The following SEC22B variants were observed in gnomAD, a reference collection of about 807,000 sequenced individuals.
The protein encoded by SEC22B is vesicle-trafficking protein SEC22b.
A neutral mutation model predicts 31.4 loss-of-function variants in SEC22B; 10 were observed. The observed-to-expected ratio is 0.32, with a 90% CI of 0.20 to 0.54. The LOEUF (loss-of-function observed/expected upper bound fraction) is 0.54, where lower values mean the gene tolerates loss of function less well. Among genes scored for constraint, SEC22B ranks in the 20% least tolerant of loss-of-function variants. The pLI is 0.94. For missense variants in SEC22B, 130 were observed against 263.4 expected (o/e 0.49, Z 3.50); for synonymous variants, 60 against 95.9 (o/e 0.63, Z 2.19).
In SEC22B at chr1:120,157,380, G is replaced by A. The variant is rs2101126441; in HGVS notation, c.494-188C>T. ...GATCAGATGATGTCTGAATTTTTGAGGCTATATAGTAAGGTGGTTAGAAGT... is the reference window on the plus strand; with the variant it reads ...GATCAGATGATGTCTGAATTTTTGAAGCTATATAGTAAGGTGGTTAGAAGT... On this transcript the variant is annotated intron_variant, in intron 4 of 4. Transcript: ENST00000578049. 2.2e-5 allele frequency: 9 copies of A among 404,154 alleles called. No individual in the cohort carries two copies. In the East Asian group the frequency reaches 3.4e-4, roughly 15 times the overall value. The allele number at this position is 404,154 out of a possible 1,614,324, so 25.0% of individuals were successfully genotyped here. A position where few individuals can be genotyped will look rare whatever the true frequency, so the allele number is the denominator to read the frequency against.
intron 1 of SEC22B, among the ~76,000 whole-genome samples, chr1:120,175,713 G>A (rs1364629749): frequency 2.0e-5 from 3 of 152,142 alleles, no homozygotes; most frequent in African/African-American, 4.8e-5. Context: ...TGCCCGCTAG[G>A]AAACTCAAGT....
At chr1:120,169,403 C>G (rs1657861154) in intron 1 of SEC22B, among the ~76,000 whole-genome samples, 1 of 152,128 alleles carries the variant, frequency 6.6e-6, no homozygotes, top group East Asian at 1.9e-4. Context: ...TTAAACAAAA[C>G]TAAATGTGTG....
Position 120,153,895 on chromosome 1 carries a change from T to C in SEC22B, c.*3143A>G, listed in dbSNP as rs1294615886. 1.3e-4 allele frequency: 20 copies of C among 151,048 alleles called. No homozygotes were observed. The highest frequency in any genetic ancestry group is 4.9e-4 in the African/African-American group (20 of 40,750). 9.4% of individuals were successfully genotyped at this position (151,048 alleles called of 1,614,324 possible). A position where few individuals can be genotyped will look rare whatever the true frequency, so the allele number is the denominator to read the frequency against. On this transcript the variant is annotated 3_prime_UTR_variant, in exon 5 of 5. Coordinates refer to ENST00000578049, the MANE Select transcript of SEC22B (RefSeq NM_004892.6). ...AATGGCACATACCTTTCATCAGATT[T>C]TCAAAGGTTTCTCAAAATGCTCAAG...
intron 1 of SEC22B, among the ~76,000 whole-genome samples, chr1:120,173,191 G>A (rs1182590911): frequency 1.4e-5 from 1 of 71,542 alleles, no homozygotes; most frequent in Non-Finnish European, 2.5e-5. Flanking sequence ...TGTATAACAT[G>A]TTATCTATCT....
chr1:120,159,398 C>G (rs1442883805), intron 4 of SEC22B: 3 of 151,764 alleles, frequency 2.0e-5, no homozygotes, highest in African/African-American at 7.3e-5. Context: ...CCATTGCACT[C>G]CAGCCTGGGC....
chr1:120,162,808 C>T (rs2101128558), intron 3 of SEC22B, among the ~76,000 whole-genome samples: 1 of 152,018 alleles, frequency 6.6e-6, no homozygotes, highest in East Asian at 1.9e-4. Context: ...ATCATTCTTT[C>T]TGATTTCCCA....
At chr1:120,157,982 C>A (rs1657656450) in intron 4 of SEC22B, 1 of 135,892 alleles carries the variant, frequency 7.4e-6, no homozygotes. Context: ...TAACAGTTAA[C>A]TAAACACTTA....
At chr1:120,165,594 C>A (rs1262372125) in intron 2 of SEC22B, among the ~76,000 whole-genome samples, 2 of 151,894 alleles carry the variant, frequency 1.3e-5, no homozygotes, top group African/African-American at 2.4e-5. Context: ...ATCAGAGGTT[C>A]TTTAGTTTAA....
At position 120,157,228 on chromosome 1, in the gene SEC22B, C is replaced by T; in HGVS notation, c.494-36G>A. On this transcript the variant is annotated intron_variant, in intron 4 of 4. Coordinates refer to ENST00000578049, the MANE Select transcript of SEC22B (RefSeq NM_004892.6). ...GGAAAAAAGGAAAACATTAATTAGT[C>T]CCTGGAAGTATTTTACCGAAAGTAT... 3.9e-6 allele frequency: 5 copies of T among 1,297,378 alleles called. No homozygotes were observed. The Admixed American group carries it at 1.1e-4, about 27-fold the overall frequency. 80.4% of individuals were successfully genotyped at this position (1,297,378 alleles called of 1,614,324 possible). A position where few individuals can be genotyped will look rare whatever the true frequency, so the allele number is the denominator to read the frequency against.
At chr1:120,170,942 T>TA (rs1299728404) in intron 1 of SEC22B, among the ~76,000 whole-genome samples, 1 of 127,702 alleles carries the variant, frequency 7.8e-6, no homozygotes, top group Non-Finnish European at 1.5e-5. Context: ...CAAATTTCTT[T>TA]AATTTAATAA....
Position 120,176,357 on chromosome 1 carries a change from G to A in SEC22B, c.25C>T (p.Arg9Ter). 3.7e-6 allele frequency: 6 copies of A among 1,613,608 alleles called. No individual in the cohort carries two copies. The highest frequency in any genetic ancestry group is 5.1e-6 in the Non-Finnish European group (6 of 1,179,852). The part of the protein sequence containing the change: MVLLTMIA[R>*]VADGLPLAAS... ...GCCAGCGGGAGCCCGTCCGCCACTC[G>A]GGCGATCATTGTTAGCAACACCATC... is the stretch of plus-strand genomic sequence containing the variant. The change falls in exon 1 of 5, where the codon CGA (arginine) becomes TGA (stop). Residue 9 changes from arginine (R) to a stop codon, truncating the protein, a stop_gained. Coordinates refer to ENST00000578049, the MANE Select transcript of SEC22B (RefSeq NM_004892.6). LOFTEE classifies it high-confidence loss of function.
chr1:120,151,516 A>T lies in SEC22B; in HGVS notation c.*5522T>A, dbSNP rs1657538449. On this transcript the variant is annotated 3_prime_UTR_variant, in exon 5 of 5. Transcript: ENST00000578049. ...CTCCATCTCTACTAAAAATACAAAAATTAGCCAGGAGCTGTGGCAGGTGCC... is the reference window on the plus strand; with the variant it reads ...CTCCATCTCTACTAAAAATACAAAATTTAGCCAGGAGCTGTGGCAGGTGCC... The T allele has an allele frequency of 6.6e-6, 1 of 152,096 alleles. No individual in the cohort carries two copies. The highest frequency in any genetic ancestry group is 6.6e-5 in the Admixed American group (1 of 15,256). 9.4% of individuals were successfully genotyped at this position (152,096 alleles called of 1,614,324 possible). A position where few individuals can be genotyped will look rare whatever the true frequency, so the allele number is the denominator to read the frequency against.
rs1200329264 is a variant in SEC22B, at chr1:120,151,766, G to T, written c.*5272C>A. On this transcript the variant is annotated 3_prime_UTR_variant, in exon 5 of 5. Transcript: ENST00000578049. ...TAAGGAGGGTACTCCAAGAATCCAT[G>T]TTAAAGTTAATGAGGGCTTGAACCC... 6.6e-6 allele frequency: 1 copy of T among 151,774 alleles called. No individual in the cohort carries two copies. Among genetic ancestry groups the T allele is most frequent in the African/African-American group, 2.4e-5 (1 of 41,404 alleles). The allele number at this position is 151,774 out of a possible 1,614,324, so 9.4% of individuals were successfully genotyped here.
In SEC22B at chr1:120,151,141, A is replaced by G. The variant is rs1227034803; in HGVS notation, c.*5897T>C. On this transcript the variant is annotated 3_prime_UTR_variant, in exon 5 of 5. Coordinates refer to ENST00000578049, the MANE Select transcript of SEC22B (RefSeq NM_004892.6). ...AAACCATAGCAGCAGGTTTAAAGGT[A>G]AAAGGATGGGAGAAAAGTACACAGA... 2 of 152,220 alleles carry G rather than the reference A, an allele frequency of 1.3e-5. No homozygotes were observed. The highest frequency in any genetic ancestry group is 2.9e-5 in the Non-Finnish European group (2 of 68,048). The allele number at this position is 152,220 out of a possible 1,614,324, so 9.4% of individuals were successfully genotyped here. A position where few individuals can be genotyped will look rare whatever the true frequency, so the allele number is the denominator to read the frequency against.
intron 4 of SEC22B, among the ~76,000 whole-genome samples, chr1:120,159,697 T>C (rs1345234711): frequency 2.6e-5 from 4 of 152,026 alleles, no homozygotes; most frequent in African/African-American, 9.7e-5. Flanking sequence ...ATACAGGCTA[T>C]AAGGATCAGA....
chr1:120,170,876 T>A (rs1393361469), intron 1 of SEC22B, among the ~76,000 whole-genome samples: 1 of 140,684 alleles, frequency 7.1e-6, no homozygotes, highest in Non-Finnish European at 1.5e-5. Flanking sequence ...AATCTTTTTG[T>A]TTCCCCAGTG....
At chr1:120,175,587 G>A (rs1403834689) in intron 1 of SEC22B, among the ~76,000 whole-genome samples, 1 of 152,262 alleles carries the variant, frequency 6.6e-6, no homozygotes, top group East Asian at 1.9e-4. Flanking sequence ...TTTCTTTTAA[G>A]ACATCTGGAG....
Position 120,176,261 on chromosome 1 carries a change from G to A in SEC22B, c.75+46C>T, listed in dbSNP as rs1457919671. The A allele has an allele frequency of 8.9e-6, 14 of 1,574,154 alleles. No individual in the cohort carries two copies. The South Asian group carries it at 1.0e-4, about 11-fold the overall frequency. On this transcript the variant is annotated intron_variant, in intron 1 of 4. Transcript: ENST00000578049. ...AGGAATCCGATGCTGAGGGCAAAGC[G>A]CGCTGACAGAGACTTGGGGTCGCGG... is the stretch of plus-strand genomic sequence containing the variant.
intron 2 of SEC22B, among the ~76,000 whole-genome samples, chr1:120,166,456 A>C (rs1233216009): frequency 2.0e-5 from 3 of 151,152 alleles, no homozygotes; most frequent in African/African-American, 7.4e-5. Flanking sequence ...AGCCATAAAA[A>C]AGAATGAATT....
Sources: gnomAD v4.1 joint callset for allele counts (sites outside exome capture counted in the v4.1 genomes callset) on GRCh38, gnomAD v4.1.1 for gene constraint, MANE v1.5 for transcripts, NCBI Gene and HGNC (gene_info 2026-07-23, HGNC 2026-07-21) for gene names.